Variants in LRRTM4 observed in about 807,000 individuals in gnomAD.
LRRTM4 encodes leucine rich repeat transmembrane neuronal 4.
Under a neutral mutation model 47.6 loss-of-function variants are expected in LRRTM4, and 25 were observed. That is an observed-to-expected ratio of 0.53 (90% CI 0.38 to 0.73). The LOEUF (loss-of-function observed/expected upper bound fraction) is 0.73, where lower values mean the gene tolerates loss of function less well. LRRTM4 is among the 30% of genes least tolerant of loss of function. The pLI is 0.00. For synonymous variants in LRRTM4, 311 were observed against 269.5 expected (o/e 1.15, Z -1.51); for missense variants, 638 against 713.4 (o/e 0.89, Z 1.20).
At chr2:77,110,343 A>C (rs1241810719) in intron 3 of LRRTM4, among the ~76,000 whole-genome samples, 1 of 152,116 alleles carries the variant, frequency 6.6e-6, no homozygotes, top group Non-Finnish European at 1.5e-5. Flanking sequence ...AAATACAATA[A>C]CATCTTCAGG....
chr2:77,449,040 A>G (rs1245464210), intron 3 of LRRTM4, among the ~76,000 whole-genome samples: 1 of 152,176 alleles, frequency 6.6e-6, no homozygotes, highest in Non-Finnish European at 1.5e-5. Context: ...GATTCCTAAC[A>G]TAAGGAATAG....
chr2:76,845,444 A>T (rs1334223928), intron 3 of LRRTM4, among the ~76,000 whole-genome samples: 1 of 152,022 alleles, frequency 6.6e-6, no homozygotes, highest in Non-Finnish European at 1.5e-5. Flanking sequence ...GTGAGGGGAG[A>T]TCTCATTATT....
chr2:77,046,871 C>T (rs773182807), intron 3 of LRRTM4, among the ~76,000 whole-genome samples: 3 of 151,890 alleles, frequency 2.0e-5, no homozygotes, highest in Non-Finnish European at 2.9e-5. Flanking sequence ...ATCATCAAAG[C>T]AAATGAAGTG....
chr2:76,879,757 G>A (rs986809543), intron 3 of LRRTM4, among the ~76,000 whole-genome samples: 1 of 152,126 alleles, frequency 6.6e-6, no homozygotes, highest in Non-Finnish European at 1.5e-5. Context: ...AAAACCTTCT[G>A]GGAAGGAATC....
chr2:77,019,219 C>A, intron 3 of LRRTM4, among the ~76,000 whole-genome samples: 1 of 113,310 alleles, frequency 8.8e-6, no homozygotes, highest in African/African-American at 3.5e-5. Context: ...TATTCAGGAA[C>A]ATACTATTGG....
At chr2:76,949,721 T>C (rs1675437320) in intron 3 of LRRTM4, among the ~76,000 whole-genome samples, 1 of 151,990 alleles carries the variant, frequency 6.6e-6, no homozygotes, top group Non-Finnish European at 1.5e-5. Context: ...AATTATAATT[T>C]ACTCCCACCT....
chr2:76,873,119 C>T (rs1029199017), intron 3 of LRRTM4, among the ~76,000 whole-genome samples: 2 of 152,144 alleles, frequency 1.3e-5, no homozygotes, highest in African/African-American at 2.4e-5. Context: ...CTACTTCCAG[C>T]ATACTATACA....
chr2:76,819,922 C>A (rs1208222923), intron 3 of LRRTM4, among the ~76,000 whole-genome samples: 1 of 151,954 alleles, frequency 6.6e-6, no homozygotes, highest in Non-Finnish European at 1.5e-5. Context: ...GAGTCTTCAG[C>A]CACTGTACCT....
chr2:77,328,193 C>T (rs1573259906), intron 3 of LRRTM4, among the ~76,000 whole-genome samples: 1 of 152,070 alleles, frequency 6.6e-6, no homozygotes, highest in South Asian at 2.1e-4. Flanking sequence ...CTTGATATAA[C>T]CTGAGATTAA....
Position 77,356,144 on chromosome 2 carries a change from G to T in LRRTM4, c.1551+162174C>A, listed in dbSNP as rs556147780. Among the ~76,000 whole-genome samples the T allele has an allele frequency of 4.6e-3, 706 of 152,156 alleles. 2 individuals are homozygous for T. The highest frequency in any genetic ancestry group is 0.012 in the African/African-American group (517 of 41,510). The stretch of plus-strand genomic sequence containing the variant: ...GGGCCTCGAATGCCAGGATAAAGTG[G>T]TTTTTTTAAATGAGATAATAGATTA... On this transcript the variant is annotated intron_variant, in intron 3 of 3. Transcript: ENST00000409884.
chr2:77,246,924 TGA>T (rs1675463629), intron 3 of LRRTM4, among the ~76,000 whole-genome samples: 1 of 152,056 alleles, frequency 6.6e-6, no homozygotes, highest in Non-Finnish European at 1.5e-5. Context: ...AACTTCTGGA[TGA>T]ATATATAGTA....
chr2:77,061,399 A>T (rs1225169655), intron 3 of LRRTM4, among the ~76,000 whole-genome samples: 4 of 152,150 alleles, frequency 2.6e-5, no homozygotes, highest in Non-Finnish European at 5.9e-5. Context: ...GACCTTCAAA[A>T]CAGAAATAAT....
intron 3 of LRRTM4, among the ~76,000 whole-genome samples, chr2:76,751,680 C>T (rs1464005792): frequency 6.6e-6 from 1 of 152,050 alleles, no homozygotes; most frequent in Non-Finnish European, 1.5e-5. Context: ...AAAATGTTTG[C>T]CAGCGGGACC....
At chr2:77,312,611 T>C (rs895106409) in intron 3 of LRRTM4, among the ~76,000 whole-genome samples, 6 of 152,106 alleles carry the variant, frequency 3.9e-5, no homozygotes, top group Non-Finnish European at 8.8e-5. Context: ...ACGTATTTGG[T>C]TCTTAAAGCA....
At chr2:77,331,906 C>T (rs1462602257) in intron 3 of LRRTM4, among the ~76,000 whole-genome samples, 3 of 152,082 alleles carry the variant, frequency 2.0e-5, no homozygotes, top group Admixed American at 1.3e-4. Context: ...AGTGGATTTA[C>T]ACAATTTAAT....
chr2:76,814,332 G>C (rs1255397656), intron 3 of LRRTM4, among the ~76,000 whole-genome samples: 1 of 152,016 alleles, frequency 6.6e-6, no homozygotes, highest in East Asian at 1.9e-4. Flanking sequence ...GCTTAAAGAA[G>C]TTTACAAAGT....
intron 3 of LRRTM4, among the ~76,000 whole-genome samples, chr2:77,503,725 C>T (rs1678659853): frequency 6.6e-6 from 1 of 151,108 alleles, no homozygotes; most frequent in South Asian, 2.1e-4. Flanking sequence ...GGAATTTGAG[C>T]TTACAAAGAT....
intron 3 of LRRTM4, among the ~76,000 whole-genome samples, chr2:77,500,629 A>G (rs777974421): frequency 6.6e-6 from 1 of 151,708 alleles, no homozygotes; most frequent in Non-Finnish European, 1.5e-5. Flanking sequence ...GAAAATCAAC[A>G]TAAGTAAGTA....
intron 3 of LRRTM4, among the ~76,000 whole-genome samples, chr2:77,386,909 G>A (rs966328772): frequency 8.6e-5 from 13 of 151,944 alleles, no homozygotes; most frequent in South Asian, 4.2e-4. Context: ...CCTATGTAAC[G>A]AAACACATGT....
Sources: allele counts gnomAD v4.1 joint callset (sites outside exome capture counted in the v4.1 genomes callset), GRCh38; gene constraint gnomAD v4.1.1; transcripts MANE v1.5; gene names NCBI Gene and HGNC (gene_info 2026-07-23, HGNC 2026-07-21).